LIN7A: variants seen among roughly 807,000 people sequenced by gnomAD.
LIN7A encodes protein lin-7 homolog A.
Under a neutral mutation model 29.8 loss-of-function variants are expected in LIN7A, and 25 were observed. That is an observed-to-expected ratio of 0.84 (90% CI 0.61 to 1.17). The LOEUF is 1.17. LIN7A is among the 50% of genes most tolerant of loss of function. LIN7A has a pLI of 0.00. For synonymous variants in LIN7A, 118 were observed against 107.5 expected (o/e 1.10, Z -0.60); for missense variants, 239 against 287.0 (o/e 0.83, Z 1.21).
chr12:80,919,544 A>G (rs1162285043), intron 1 of LIN7A, among the ~76,000 whole-genome samples: 1 of 152,210 alleles, frequency 6.6e-6, no homozygotes, highest in Non-Finnish European at 1.5e-5. Flanking sequence ...CTTCCTAGAA[A>G]GAACAGATCA....
rs571225850 is a variant in LIN7A, at chr12:80,796,967, A to G, written c.*760T>C. The G allele has an allele frequency of 6.6e-6, 1 of 152,220 alleles. No individual in the cohort carries two copies. Among genetic ancestry groups the G allele is most frequent in the South Asian group, 2.1e-4 (1 of 4,828 alleles). The allele number at this position is 152,220 out of a possible 1,614,324, so 9.4% of individuals were successfully genotyped here. On this transcript the variant is annotated 3_prime_UTR_variant, in exon 6 of 6. Coordinates refer to ENST00000552864, the MANE Select transcript of LIN7A (RefSeq NM_004664.4). ...TGTAACAAATGCACTCTGATAATATATATTTTATAGAATAAATATACATTA... is the reference window on the plus strand; with the variant it reads ...TGTAACAAATGCACTCTGATAATATGTATTTTATAGAATAAATATACATTA...
chr12:80,869,849 C>CATGA (rs1267650869), intron 2 of LIN7A, among the ~76,000 whole-genome samples: 1 of 151,378 alleles, frequency 6.6e-6, no homozygotes, highest in Non-Finnish European at 1.5e-5. Context: ...GGTAACTGAA[C>CATGA]ATGACTTACC....
intron 2 of LIN7A, among the ~76,000 whole-genome samples, chr12:80,869,619 C>A (rs1311564777): frequency 1.3e-5 from 2 of 152,054 alleles, no homozygotes; most frequent in South Asian, 2.1e-4. Context: ...TGTTGGGAAT[C>A]ATTTCATGGA....
rs1878319976 is a variant in LIN7A, at chr12:80,937,670, G to C, written c.53C>G (p.Thr18Arg). Reference sequence around the variant, plus strand: ...GTCCAGGGTGAGCGGCTGGACCACTGTCAATGTCGCCATGTCTGCCGTGGG... The same window carrying C: ...GTCCAGGGTGAGCGGCTGGACCACTCTCAATGTCGCCATGTCTGCCGTGGG... ...SAPTADMATL[T>R]VVQPLTLDRD... The change falls in exon 1 of 6, where the codon ACA (threonine) becomes AGA (arginine). Residue 18 changes from threonine (T) to arginine (R), a missense_variant. By Grantham distance (71) the Thr-to-Arg change is moderately conservative (BLOSUM62 -1). Coordinates refer to ENST00000552864, the MANE Select transcript of LIN7A (RefSeq NM_004664.4). The C allele has an allele frequency of 6.4e-7, 1 of 1,571,528 alleles. No individual in the cohort carries two copies. The highest frequency in any genetic ancestry group is 8.7e-7 in the Non-Finnish European group (1 of 1,155,822).
intron 4 of LIN7A, among the ~76,000 whole-genome samples, chr12:80,818,895 C>G (rs1871663223): frequency 6.6e-6 from 1 of 152,190 alleles, no homozygotes; most frequent in Non-Finnish European, 1.5e-5. Context: ...TGAGGGAAAT[C>G]TTATGATTTT....
At chr12:80,814,594 G>A (rs1180272298) in intron 4 of LIN7A, among the ~76,000 whole-genome samples, 1 of 151,926 alleles carries the variant, frequency 6.6e-6, no homozygotes, top group African/African-American at 2.4e-5. Flanking sequence ...GAGGGCTGTG[G>A]TACTAATGTG....
At chr12:80,843,205 C>A (rs948907365) in intron 4 of LIN7A, among the ~76,000 whole-genome samples, 2 of 152,120 alleles carry the variant, frequency 1.3e-5, no homozygotes, top group African/African-American at 2.4e-5. Flanking sequence ...ACATTCCTCA[C>A]CTTTGCATGA....
chr12:80,883,815 C>G (rs1289079668), intron 2 of LIN7A, among the ~76,000 whole-genome samples: 1 of 152,170 alleles, frequency 6.6e-6, no homozygotes, highest in African/African-American at 2.4e-5. Flanking sequence ...GACCACAACA[C>G]TACTCTATGA....
chr12:80,923,864 C>A (rs552686813), intron 1 of LIN7A, among the ~76,000 whole-genome samples: 2 of 152,284 alleles, frequency 1.3e-5, no homozygotes, highest in East Asian at 3.9e-4. Flanking sequence ...CCTCAATTCT[C>A]AATTCTTCAA....
chr12:80,933,032 C>T (rs1289953275), intron 1 of LIN7A, among the ~76,000 whole-genome samples: 1 of 152,144 alleles, frequency 6.6e-6, no homozygotes, highest in Non-Finnish European at 1.5e-5. Flanking sequence ...GGGTAAATGA[C>T]ATGTACTACT....
intron 1 of LIN7A, chr12:80,937,068 C>G (rs1202772811): frequency 6.6e-6 from 1 of 152,424 alleles, no homozygotes; most frequent in Non-Finnish European, 1.5e-5. Context: ...GAGGGCAGCT[C>G]CCTGCCTGCT....
chr12:80,842,279 TAAAG>T (rs1411565582), intron 4 of LIN7A, among the ~76,000 whole-genome samples: 1 of 152,190 alleles, frequency 6.6e-6, no homozygotes, highest in African/African-American at 2.4e-5. Context: ...ATTTAAAAAG[TAAAG>T]AAATTATTCC....
chr12:80,860,157 G>T (rs1480618072), intron 2 of LIN7A, among the ~76,000 whole-genome samples: 1 of 152,152 alleles, frequency 6.6e-6, no homozygotes, highest in Non-Finnish European at 1.5e-5. Context: ...AGATTACTGA[G>T]TCAAAAGTAT....
intron 5 of LIN7A, among the ~76,000 whole-genome samples, chr12:80,801,515 A>G (rs549107699): frequency 6.6e-6 from 1 of 152,228 alleles, no homozygotes; most frequent in Middle Eastern, 3.2e-3. Flanking sequence ...TGTATATTCA[A>G]TTGGCAAATA....
intron 4 of LIN7A, among the ~76,000 whole-genome samples, chr12:80,813,141 G>A (rs1871372683): frequency 6.6e-6 from 1 of 151,948 alleles, no homozygotes; most frequent in Non-Finnish European, 1.5e-5. Flanking sequence ...CTCCCGAGTA[G>A]CTGGGACTAC....
chr12:80,890,046 C>A (rs1875543988), intron 1 of LIN7A, among the ~76,000 whole-genome samples: 1 of 152,076 alleles, frequency 6.6e-6, no homozygotes, highest in Admixed American at 6.6e-5. Flanking sequence ...ATCATGTGCC[C>A]ATCTACCAGC....
At chr12:80,935,977 ATCT>A (rs1349928522) in intron 1 of LIN7A, 1 of 220,720 alleles carries the variant, frequency 4.5e-6, no homozygotes, top group African/African-American at 2.2e-5. Flanking sequence ...CAGGTATGCA[ATCT>A]TCTTGGAGTT....
intron 2 of LIN7A, among the ~76,000 whole-genome samples, chr12:80,851,023 A>G (rs1287377996): frequency 6.6e-6 from 1 of 152,138 alleles, no homozygotes; most frequent in Non-Finnish European, 1.5e-5. Context: ...TGCAGATTTG[A>G]TACAGCAACT....
intron 2 of LIN7A, among the ~76,000 whole-genome samples, chr12:80,850,051 G>T (rs892875052): frequency 6.6e-6 from 1 of 152,110 alleles, no homozygotes; most frequent in Admixed American, 6.6e-5. Flanking sequence ...AGGTGATTTT[G>T]TAAGTGCTGG....
Sources: gnomAD v4.1 joint callset for allele counts (sites outside exome capture counted in the v4.1 genomes callset) on GRCh38, gnomAD v4.1.1 for gene constraint, MANE v1.5 for transcripts, NCBI Gene and HGNC (gene_info 2026-07-23, HGNC 2026-07-21) for gene names.